The following MALL variants were observed in gnomAD, a reference collection of about 807,000 sequenced individuals.
The protein encoded by MALL is mal, T cell differentiation protein like, also known as MAL-like protein.
In MALL, 2 loss-of-function variants were observed where a neutral mutation model predicts 10.3. The observed-to-expected ratio is 0.19, with a 90% CI of 0.08 to 0.61. The LOEUF (loss-of-function observed/expected upper bound fraction) is 0.61. Ranked by LOEUF, MALL falls within the 20% of genes least tolerant of loss-of-function variation. MALL has a pLI of 0.88. For missense variants in MALL, 39 were observed against 115.2 expected, an observed-to-expected ratio of 0.34 and a Z score of 3.03; for synonymous variants, 27 against 51.8, an observed-to-expected ratio of 0.52 and a Z score of 2.05.
At chr2:110,102,549 C>A (rs145837260) in intron 1 of MALL, among the ~76,000 whole-genome samples, 10 of 152,326 alleles carry the variant, frequency 6.6e-5, no homozygotes, top group Non-Finnish European at 1.3e-4. Context: ...CACTCACTAG[C>A]TGCTCACAGC....
chr2:110,114,543 G>A (rs796911034), intron 1 of MALL, among the ~76,000 whole-genome samples: 33 of 151,870 alleles, frequency 2.2e-4, no homozygotes, highest in African/African-American at 8.0e-4. Flanking sequence ...ACGCTGTGCT[G>A]GGGATGGTAG....
intron 1 of MALL, among the ~76,000 whole-genome samples, chr2:110,099,107 G>A (rs1430456685): frequency 2.0e-5 from 3 of 152,142 alleles, no homozygotes; most frequent in Admixed American, 6.5e-5. Context: ...ACAGTTGTGC[G>A]CATGTTCCTG....
At position 110,115,671 on chromosome 2, in the gene MALL, G is replaced by C; in HGVS notation, c.105+17C>G. 2.4e-6 allele frequency: 3 copies of C among 1,258,184 alleles called. No individual in the cohort carries two copies. Among genetic ancestry groups the C allele is most frequent in the Non-Finnish European group, 2.0e-6 (2 of 991,142 alleles). 77.9% of individuals were successfully genotyped at this position (1,258,184 alleles called of 1,614,324 possible). A position where few individuals can be genotyped will look rare whatever the true frequency, so the allele number is the denominator to read the frequency against. On this transcript the variant is annotated intron_variant, in intron 1 of 3. Coordinates refer to ENST00000272462, the MANE Select transcript of MALL (RefSeq NM_005434.5). ...TCCCTCTCTGCAGGTGGCCCGGGTC[G>C]GGGGTGCCGCACTCACCAGCTCGGG...
At chr2:110,114,594 A>G (rs1224609433) in intron 1 of MALL, among the ~76,000 whole-genome samples, 7 of 151,490 alleles carry the variant, frequency 4.6e-5, no homozygotes, top group African/African-American at 1.7e-4. Flanking sequence ...TTTCAGCTGG[A>G]GCCACTCAGA....
At chr2:110,109,425 T>G (rs930359605) in intron 1 of MALL, among the ~76,000 whole-genome samples, 1 of 152,086 alleles carries the variant, frequency 6.6e-6, no homozygotes. Context: ...TAAAACAAAC[T>G]TTAAAGCATT....
At chr2:110,107,345 T>TG (rs138702459) in intron 1 of MALL, among the ~76,000 whole-genome samples, 10 of 151,926 alleles carry the variant, frequency 6.6e-5, no homozygotes, top group African/African-American at 2.4e-4. Flanking sequence ...TTGGGGCTGC[T>TG]GGGGGGTACA....
intron 1 of MALL, among the ~76,000 whole-genome samples, chr2:110,102,036 G>A (rs556115166): frequency 6.6e-6 from 1 of 152,156 alleles, no homozygotes; most frequent in Non-Finnish European, 1.5e-5. Context: ...CACTCTCCCT[G>A]TACATTGATT....
intron 1 of MALL, among the ~76,000 whole-genome samples, chr2:110,103,798 G>A (rs1394735069): frequency 3.3e-5 from 5 of 152,186 alleles, no homozygotes; most frequent in Non-Finnish European, 7.4e-5. Context: ...GTTCAGGGAC[G>A]GCTGCTCATG....
chr2:110,115,809 G>C lies in MALL; in HGVS notation c.-17C>G, dbSNP rs370927955. On this transcript the variant is annotated 5_prime_UTR_variant, in exon 1 of 4. Transcript: ENST00000272462. ...CGAGGCCATGCTGTCAGCCCCTGCCGGGTGCTCCGCGGCAGCTCGCCCGCG... is the reference window on the plus strand; with the variant it reads ...CGAGGCCATGCTGTCAGCCCCTGCCCGGTGCTCCGCGGCAGCTCGCCCGCG... The C allele has an allele frequency of 4.1e-6, 5 of 1,219,326 alleles. No homozygotes were observed. Among genetic ancestry groups the C allele is most frequent in the African/African-American group, 1.6e-5 (1 of 63,956 alleles). 75.5% of individuals were successfully genotyped at this position (1,219,326 alleles called of 1,614,324 possible).
chr2:110,099,935 C>G (rs186808202), intron 1 of MALL, among the ~76,000 whole-genome samples: 2 of 152,228 alleles, frequency 1.3e-5, no homozygotes, highest in East Asian at 3.9e-4. Flanking sequence ...CAGCCAGCGA[C>G]AGCCCTTTCA....
At chr2:110,102,040 A>G (rs1382475215) in intron 1 of MALL, among the ~76,000 whole-genome samples, 1 of 151,914 alleles carries the variant, frequency 6.6e-6, no homozygotes, top group Non-Finnish European at 1.5e-5. Context: ...CTCCCTGTAC[A>G]TTGATTAACT....
chr2:110,097,455 A>C, intron 1 of MALL: 1 of 456,386 alleles, frequency 2.2e-6, no homozygotes, highest in Non-Finnish European at 4.4e-6. Flanking sequence ...TCTGAATGGG[A>C]AGAGATAAGG....
intron 1 of MALL, among the ~76,000 whole-genome samples, chr2:110,112,309 G>A (rs1678821526): frequency 6.6e-6 from 1 of 152,070 alleles, no homozygotes; most frequent in Non-Finnish European, 1.5e-5. Flanking sequence ...CCACAGAGTG[G>A]GAGAAAATCT....
chr2:110,104,264 CCTTT>C (rs1678639606), intron 1 of MALL, among the ~76,000 whole-genome samples: 1 of 152,150 alleles, frequency 6.6e-6, no homozygotes, highest in African/African-American at 2.4e-5. Context: ...TTCAGTGACC[CCTTT>C]CTGTTCATCG....
chr2:110,104,004 G>A lies in MALL; in HGVS notation c.105+11684C>T, dbSNP rs1378055083. Among the ~76,000 whole-genome samples, 5 of 152,152 alleles carry A rather than the reference G, an allele frequency of 3.3e-5. No individual in the cohort carries two copies. In the East Asian group the frequency reaches 7.7e-4, roughly 23 times the overall value. Reference sequence around the variant, plus strand: ...AGGCTGGGATGTTAGGAGAGAAGTGGGGGCTTCCTGCTGCCTTTTCCAGGC... The same window carrying A: ...AGGCTGGGATGTTAGGAGAGAAGTGAGGGCTTCCTGCTGCCTTTTCCAGGC... On this transcript the variant is annotated intron_variant, in intron 1 of 3. Transcript: ENST00000272462.
chr2:110,108,109 A>G (rs1678731648), intron 1 of MALL, among the ~76,000 whole-genome samples: 1 of 152,154 alleles, frequency 6.6e-6, no homozygotes, highest in Non-Finnish European at 1.5e-5. Flanking sequence ...CAGCCCTGGT[A>G]ATATGACGAA....
intron 1 of MALL, among the ~76,000 whole-genome samples, chr2:110,108,558 C>T (rs1678741367): frequency 6.6e-6 from 1 of 151,818 alleles, no homozygotes; most frequent in East Asian, 1.9e-4. Flanking sequence ...ACGACCAAGC[C>T]TAAGAATAAC....
At chr2:110,097,796 G>T (rs552190622) in intron 1 of MALL, among the ~76,000 whole-genome samples, 3 of 152,172 alleles carry the variant, frequency 2.0e-5, no homozygotes, top group African/African-American at 4.8e-5. Context: ...AGCATGGCAG[G>T]TTTCACGTAC....
At chr2:110,116,078 C>T (rs1025974017), upstream of MALL, 4 of 327,426 alleles carry the variant, frequency 1.2e-5, no homozygotes, top group Admixed American at 1.5e-4. Context: ...CTTTGACCCC[C>T]GGAGCATGTT....
Sources: gnomAD v4.1 joint callset for allele counts (sites outside exome capture counted in the v4.1 genomes callset) on GRCh38, gnomAD v4.1.1 for gene constraint, MANE v1.5 for transcripts, NCBI Gene and HGNC (gene_info 2026-07-23, HGNC 2026-07-21) for gene names.